DEAF1: variants seen among roughly 807,000 people sequenced by gnomAD.
DEAF1 encodes the protein deformed epidermal autoregulatory factor 1 homolog.
In DEAF1, 53 loss-of-function variants were observed where a neutral mutation model predicts 58.9. The ratio of observed to expected loss-of-function variants is 0.90; its 90% CI spans 0.72 to 1.13. DEAF1 has a LOEUF of 1.13. DEAF1 is among the 50% of genes most tolerant of loss of function. DEAF1 has a pLI of 0.00. For missense variants in DEAF1, 685 were observed against 791.4 expected, an observed-to-expected ratio of 0.87 and a Z score of 1.61; for synonymous variants, 385 against 340.4, an observed-to-expected ratio of 1.13 and a Z score of -1.44.
At chr11:695,605 C>T, upstream of DEAF1, 1 of 1,243,656 alleles carries the variant, frequency 8.0e-7, no homozygotes. Context: ...GTCCCCGAGG[C>T]CGAATGCTCC....
intron 5 of DEAF1, 146 bp from the exon 6 acceptor site, chr11:685,109 G>A (rs1590013781): frequency 5.0e-6 from 3 of 600,262 alleles, no homozygotes; most frequent in Non-Finnish European, 8.0e-6. Context: ...TTTTGAGACA[G>A]AGTCTTGTTG....
chr11:695,854 C>T (rs7945422), upstream of DEAF1: 214,737 of 1,230,444 alleles, frequency 0.17, 20,032 homozygotes, highest in African/African-American at 0.34. Flanking sequence ...GAGGTGAGCT[C>T]GGGCGGGGTG....
rs1564956994 is a variant in DEAF1 at position 694,968 on chromosome 11, GCCGCCACAGCGGCCGCGGCC to G, written c.60_79del (p.Ala21GlyfsTer105). 1.9e-6 allele frequency: 2 copies of G among 1,065,006 alleles called. No homozygotes were observed. Among genetic ancestry groups the G allele is most frequent in the African/African-American group, 3.5e-5 (2 of 57,382 alleles). 66.0% of individuals were successfully genotyped at this position (1,065,006 alleles called of 1,614,324 possible). A position where few individuals can be genotyped will look rare whatever the true frequency, so the allele number is the denominator to read the frequency against. ...GCCTCCTGCCGCGGCCGCGGCCGCC[GCCGCCACAGCGGCCGCGGCC>G]GCCACCGCCGCCGCCTCAGCCAGGC... On this transcript the variant is annotated frameshift_variant, in exon 1 of 12. Transcript: ENST00000382409. LOFTEE classifies it high-confidence loss of function.
At chr11:678,357 A>T in intron 9 of DEAF1, 1 of 364,444 alleles carries the variant, frequency 2.7e-6, no homozygotes, top group Non-Finnish European at 5.3e-6. Context: ...GGAGAGACCA[A>T]GACCTGCCAC....
Position 687,978 on chromosome 11 carries a change from G to A in DEAF1, c.597C>T (p.Tyr199=), listed in dbSNP as rs766189868. 25 of 1,613,942 alleles carry A rather than the reference G, an allele frequency of 1.5e-5. No homozygotes were observed. Among genetic ancestry groups the A allele is most frequent in the Admixed American group, 6.7e-5 (4 of 59,986 alleles). The change falls in exon 4 of 12, where the codon TAC becomes TAT. Residue 199 remains tyrosine, a synonymous_variant. Transcript: ENST00000382409. ...GGCACCGTACGGGCAGCTCACTGTC[G>A]TACACAGAAGGGTCCCAGTTGTATT... The part of the protein sequence containing the change: ...GTKYNWDPSV[Y]DSELPVRCRN...
intron 10 of DEAF1, among the ~76,000 whole-genome samples, chr11:670,128 G>A (rs952834083): frequency 4.0e-5 from 6 of 151,490 alleles, no homozygotes; most frequent in African/African-American, 1.2e-4. Context: ...GCAGGGGACC[G>A]ATGGAAGGGG....
At chr11:653,855 G>C (rs1283838234) in intron 11 of DEAF1, 107 bp downstream of exon 11, 1 of 954,382 alleles carries the variant, frequency 1.0e-6, no homozygotes, top group South Asian at 1.3e-5. Context: ...GGACAGGGAG[G>C]GGAGTCAGGT....
intron 11 of DEAF1, among the ~76,000 whole-genome samples, chr11:653,548 G>C (rs1589974372): frequency 7.6e-6 from 1 of 131,758 alleles, no homozygotes; most frequent in Non-Finnish European, 1.6e-5. Flanking sequence ...ACTGTGGACA[G>C]TCTCTCTTGC....
chr11:694,866 G>A lies in DEAF1; in HGVS notation c.182C>T (p.Pro61Leu). The stretch of plus-strand genomic sequence containing the variant: ...CATCACCGCCACTGCCGTGACCCGC[G>A]GCGTCTCCCGCTCCGCCTCCGAGTC... ...DADSEAERET[P>L]RVTAVAVMAA... The change falls in exon 1 of 12, where the codon CCG (proline) becomes CTG (leucine). Residue 61 changes from proline to leucine, a missense_variant. Physicochemically the swap from Pro to Leu is moderately conservative, Grantham distance 98. Transcript: ENST00000382409. 6.7e-7 allele frequency: 1 copy of A among 1,500,856 alleles called. No individual in the cohort carries two copies. 93.0% of individuals were successfully genotyped at this position (1,500,856 alleles called of 1,614,324 possible). A position where few individuals can be genotyped will look rare whatever the true frequency, so the allele number is the denominator to read the frequency against.
At chr11:650,686 C>G (rs1858725051) in intron 11 of DEAF1, among the ~76,000 whole-genome samples, 1 of 151,710 alleles carries the variant, frequency 6.6e-6, no homozygotes, top group African/African-American at 2.4e-5. Context: ...GGCGCAGTGA[C>G]TCATGCCTGT....
intron 6 of DEAF1, among the ~76,000 whole-genome samples, chr11:682,592 G>A (rs1469610710): frequency 6.6e-6 from 1 of 152,154 alleles, no homozygotes; most frequent in Non-Finnish European, 1.5e-5. Flanking sequence ...GAATGTCTGA[G>A]CCCCTACTAT....
intron 2 of DEAF1, among the ~76,000 whole-genome samples, chr11:690,529 A>ACC (rs1415043874): frequency 4.6e-5 from 7 of 152,006 alleles, no homozygotes. Context: ...CAAGGCGGGC[A>ACC]CCTGAGGTCA....
rs143676584 is a variant in DEAF1, at chr11:676,486, C to T, written c.1256-1703G>A. 5.7e-3 allele frequency among the ~76,000 whole-genome samples: 865 copies of T among 151,212 alleles called. 2 individuals are homozygous for T. Among genetic ancestry groups the T allele is most frequent in the Non-Finnish European group, 9.7e-3 (659 of 67,796 alleles). On this transcript the variant is annotated intron_variant, in intron 9 of 11. Transcript: ENST00000382409. ...TGCGGCTGCTGGACCCTGAAATGTT[C>T]GCAGAATCAGCGCCGTGGACAATGA...
chr11:669,572 G>T (rs1464005907), intron 10 of DEAF1, among the ~76,000 whole-genome samples: 1 of 151,618 alleles, frequency 6.6e-6, no homozygotes, highest in Admixed American at 6.6e-5. Flanking sequence ...GGAGGTGGAG[G>T]TTATGGCGAG....
chr11:701,476 A>T (rs556223278), intron 1 of DEAF1, among the ~76,000 whole-genome samples: 42 of 143,602 alleles, frequency 2.9e-4, no homozygotes, highest in Non-Finnish European at 5.2e-4. Flanking sequence ...AGTGGCGTGA[A>T]CTTGGCTCAC....
chr11:659,773 C>G (rs1418305763), intron 10 of DEAF1, among the ~76,000 whole-genome samples: 2 of 152,198 alleles, frequency 1.3e-5, no homozygotes, highest in African/African-American at 2.4e-5. Context: ...AAGCAGCCGC[C>G]TAATTCCACA....
upstream of DEAF1, chr11:699,784 T>TC (rs1175480490): frequency 4.8e-6 from 1 of 206,560 alleles, no homozygotes; most frequent in Non-Finnish European, 9.8e-6. Context: ...AGTTATTTTT[T>TC]CTCTCTTAAC....
In DEAF1 at chr11:688,364, C is replaced by T. The variant is rs141368610; in HGVS notation, c.484G>A (p.Gly162Arg). ...AGGGGAGCTGCCGGGCCTTTCAGCCCGGTGGTCTCCACGATGCTCCCATCT... is the reference window on the plus strand; with the variant it reads ...AGGGGAGCTGCCGGGCCTTTCAGCCTGGTGGTCTCCACGATGCTCCCATCT... ...HTDGSIVETT[G>R]LKGPAAPLTP... Residue 162 changes from glycine (G) to arginine (R), a missense_variant, in exon 3 of 12, where the codon GGG (glycine) becomes AGG (arginine). Transcript: ENST00000382409. This position sits in a 1 kb window ranked among gnomAD's most constrained non-coding sequence, Gnocchi z 4.3. 5.6e-6 allele frequency: 9 copies of T among 1,613,850 alleles called. No homozygotes were observed. Among genetic ancestry groups the T allele is most frequent in the East Asian group, 4.5e-5 (2 of 44,886 alleles).
At chr11:654,285 C>G (rs774988309) in intron 10 of DEAF1, among the ~76,000 whole-genome samples, 1 of 149,292 alleles carries the variant, frequency 6.7e-6, no homozygotes, top group Non-Finnish European at 1.5e-5. Context: ...TCTCCTGTCT[C>G]AGCCTCCTGA....
Sources: gnomAD v4.1 joint callset for allele counts (sites outside exome capture counted in the v4.1 genomes callset) on GRCh38, gnomAD v4.1.1 for gene constraint, Gnocchi (gnomAD v3.1) non-coding constraint, MANE v1.5 for transcripts, NCBI Gene and HGNC (gene_info 2026-07-23, HGNC 2026-07-21) for gene names.